Variants in HTR7 observed in about 807,000 individuals in gnomAD.
HTR7 encodes 5-HT-7.
A neutral mutation model predicts 34.0 loss-of-function variants in HTR7; 16 were observed. That is an observed-to-expected ratio of 0.47 (90% confidence interval 0.32 to 0.71). HTR7 has a LOEUF of 0.71. Ranked by LOEUF, HTR7 falls within the 30% of genes least tolerant of loss-of-function variation. The pLI is 0.04. For missense variants in HTR7, 504 were observed against 625.5 expected (o/e 0.81, Z 2.07); for synonymous variants, 265 against 260.2 (o/e 1.02, Z -0.18).
At chr10:90,768,143 C>G (rs920553792) in intron 1 of HTR7, among the ~76,000 whole-genome samples, 8 of 152,182 alleles carry the variant, frequency 5.3e-5, no homozygotes, top group African/African-American at 1.9e-4. Flanking sequence ...CCTTCTCATT[C>G]ACCATCTTAA....
intron 1 of HTR7, among the ~76,000 whole-genome samples, chr10:90,787,051 G>T (rs1845390640): frequency 6.6e-6 from 1 of 152,192 alleles, no homozygotes; most frequent in Non-Finnish European, 1.5e-5. Context: ...AAGCTTCTGA[G>T]CTCCTGTTAG....
intron 1 of HTR7, among the ~76,000 whole-genome samples, chr10:90,831,569 C>G (rs1020322173): frequency 4.6e-5 from 7 of 152,302 alleles, no homozygotes; most frequent in Non-Finnish European, 8.8e-5. Flanking sequence ...AAAGGGACCC[C>G]AGCGGGTTGC....
chr10:90,849,653 A>G (rs1489607661), intron 1 of HTR7, among the ~76,000 whole-genome samples: 1 of 152,258 alleles, frequency 6.6e-6, no homozygotes, highest in Non-Finnish European at 1.5e-5. Context: ...TGAAATGAAA[A>G]GAAAATTAAA....
At chr10:90,801,467 T>G (rs1370608958) in intron 1 of HTR7, among the ~76,000 whole-genome samples, 1 of 152,196 alleles carries the variant, frequency 6.6e-6, no homozygotes, top group Non-Finnish European at 1.5e-5. Context: ...ATTTGACATA[T>G]TATAAAGTGG....
rs77758115 is a variant in HTR7, at chr10:90,853,196, C to T, written c.539+3937G>A. Among the ~76,000 whole-genome samples, 105 of 152,046 alleles carry T rather than the reference C, an allele frequency of 6.9e-4. 1 individual carries two copies. The East Asian group carries it at 0.018, about 26-fold the overall frequency. ...TCCCTTGCACTATTTTATACTTTTA[C>T]TCTTTCTACAAGCTTCCCTAAATGA... On this transcript the variant is annotated intron_variant, in intron 1 of 3. Transcript: ENST00000336152.
rs1176314427 is a variant in HTR7 at position 90,743,908 on chromosome 10, A to C, written c.1296-218T>G. 5 of 681,634 alleles carry C rather than the reference A, an allele frequency of 7.3e-6. No individual in the cohort carries two copies. In the African/African-American group the frequency reaches 8.9e-5, roughly 12 times the overall value. The allele number at this position is 681,634 out of a possible 1,614,324, so 42.2% of individuals were successfully genotyped here. A position where few individuals can be genotyped will look rare whatever the true frequency, so the allele number is the denominator to read the frequency against. On this transcript the variant is annotated intron_variant, in intron 2 of 3. Coordinates refer to ENST00000336152, the MANE Select transcript of HTR7 (RefSeq NM_019859.4). ...CTATTCACTTCATTACCCCAGGGAA[A>C]ATTTTCGAGTGCCTGATGAACTCCT...
chr10:90,761,986 T>C (rs1194898290), intron 1 of HTR7, among the ~76,000 whole-genome samples: 1 of 152,154 alleles, frequency 6.6e-6, no homozygotes. Context: ...AGCTGAAAAA[T>C]ATTCTATTGT....
chr10:90,750,943 G>A (rs17454797), intron 1 of HTR7, among the ~76,000 whole-genome samples: 2,299 of 152,294 alleles, frequency 0.015, 19 homozygotes, highest in Middle Eastern at 0.024. Flanking sequence ...GTTGGGGATA[G>A]GACAGTGAGT....
At chr10:90,830,324 C>T (rs1268928378) in intron 1 of HTR7, among the ~76,000 whole-genome samples, 1 of 152,220 alleles carries the variant, frequency 6.6e-6, no homozygotes, top group African/African-American at 2.4e-5. Context: ...ATTAATTACA[C>T]TCACACACAA....
At chr10:90,760,605 C>T (rs916471004) in intron 1 of HTR7, among the ~76,000 whole-genome samples, 2 of 152,118 alleles carry the variant, frequency 1.3e-5, no homozygotes, top group African/African-American at 2.4e-5. Flanking sequence ...ATGGGCTGGA[C>T]GCACTGGCTC....
At chr10:90,775,138 TC>T (rs1295070510) in intron 1 of HTR7, among the ~76,000 whole-genome samples, 1 of 152,222 alleles carries the variant, frequency 6.6e-6, no homozygotes, top group Non-Finnish European at 1.5e-5. Flanking sequence ...CTAATAATTT[TC>T]CCTTTTTGTT....
intron 1 of HTR7, among the ~76,000 whole-genome samples, chr10:90,851,858 T>C (rs1464961263): frequency 6.6e-6 from 1 of 152,164 alleles, no homozygotes; most frequent in Non-Finnish European, 1.5e-5. Context: ...CTGATGGTTT[T>C]ATAAATGGGA....
At position 90,857,650 on chromosome 10, in the gene HTR7, C is replaced by T. The variant is rs750827836; in HGVS notation, c.22G>A (p.Gly8Ser). The T allele has an allele frequency of 6.3e-7, 1 of 1,589,380 alleles. No individual in the cohort carries two copies. MMDVNSS[G>S]RPDLYGHLRS... ...AGGTGCCCGTAGAGGTCCGGGCGGCCGCTGCTGTTAACGTCCATCATCGCG... is the reference window on the plus strand; with the variant it reads ...AGGTGCCCGTAGAGGTCCGGGCGGCTGCTGCTGTTAACGTCCATCATCGCG... Residue 8 changes from glycine to serine, a missense_variant, in exon 1 of 4, where the codon GGC (glycine) becomes AGC (serine). Physicochemically the swap from Gly to Ser is moderately conservative, Grantham distance 56. This residue lies in a region of HTR7 where 139 missense variants were observed against 117.1 expected (regional missense o/e 1.19). Coordinates refer to ENST00000336152, the MANE Select transcript of HTR7 (RefSeq NM_019859.4). This position sits in a 1 kb window ranked among gnomAD's most constrained non-coding sequence, Gnocchi z 6.5.
At chr10:90,818,402 T>G (rs1342293259) in intron 1 of HTR7, among the ~76,000 whole-genome samples, 1 of 151,982 alleles carries the variant, frequency 6.6e-6, no homozygotes, top group Non-Finnish European at 1.5e-5. Flanking sequence ...AAAAATTAGC[T>G]GGGCATGATA....
At position 90,849,253 on chromosome 10, in the gene HTR7, C is replaced by T. The variant is rs936374316; in HGVS notation, c.539+7880G>A. On this transcript the variant is annotated intron_variant, in intron 1 of 3. Coordinates refer to ENST00000336152, the MANE Select transcript of HTR7 (RefSeq NM_019859.4). ...CATGATAACACTAAACTATTTGCAA[C>T]GTAGTTCACCAATTTATAATCCCAC... Among the ~76,000 whole-genome samples, 7 of 152,140 alleles carry T rather than the reference C, an allele frequency of 4.6e-5. No homozygotes were observed. In the South Asian group the frequency reaches 6.2e-4, roughly 13 times the overall value.
At chr10:90,764,992 T>C (rs1844998458) in intron 1 of HTR7, among the ~76,000 whole-genome samples, 1 of 152,194 alleles carries the variant, frequency 6.6e-6, no homozygotes, top group South Asian at 2.1e-4. Context: ...TATAATTTTA[T>C]TTTCTCATAC....
Position 90,749,156 on chromosome 10 carries a change from G to A in HTR7, c.978C>T (p.Ala326=). Residue 326 remains alanine, a synonymous_variant, in exon 2 of 4, where the codon GCC becomes GCT. Coordinates refer to ENST00000336152, the MANE Select transcript of HTR7 (RefSeq NM_019859.4). The surrounding 1 kb of genome is among the most constrained non-coding windows in gnomAD (Gnocchi z 4.2). ...ISIFKREQKA[A]TTLGIIVGAF... Reference sequence around the variant, plus strand: ...CCCCGACGATGATCCCCAGGGTGGTGGCTGCTTTCTGTTCTCGCTTAAAGA... The same window carrying A: ...CCCCGACGATGATCCCCAGGGTGGTAGCTGCTTTCTGTTCTCGCTTAAAGA... 6.2e-7 allele frequency: 1 copy of A among 1,614,108 alleles called. No homozygotes were observed. Among genetic ancestry groups the A allele is most frequent in the African/African-American group, 1.3e-5 (1 of 75,024 alleles).
intron 1 of HTR7, among the ~76,000 whole-genome samples, chr10:90,765,033 T>C (rs1046483826): frequency 6.6e-6 from 1 of 152,186 alleles, no homozygotes; most frequent in Non-Finnish European, 1.5e-5. Context: ...ATCAAGGTAA[T>C]GTTAGCCTCA....
At chr10:90,807,568 C>T (rs1409999634) in intron 1 of HTR7, among the ~76,000 whole-genome samples, 1 of 152,166 alleles carries the variant, frequency 6.6e-6, no homozygotes, top group African/African-American at 2.4e-5. Flanking sequence ...AGAACAAAAC[C>T]CCTTTGACTG....
Sources: allele counts gnomAD v4.1 joint callset (sites outside exome capture counted in the v4.1 genomes callset), GRCh38; gene constraint gnomAD v4.1.1; regional missense constraint gnomAD v4.1.1; non-coding constraint Gnocchi (gnomAD v3.1); transcripts MANE v1.5; gene names NCBI Gene and HGNC (gene_info 2026-07-23, HGNC 2026-07-21).